Variants in C1orf87 observed in about 807,000 individuals in gnomAD.
The protein encoded by C1orf87 is uncharacterized protein C1orf87.
In C1orf87, 58 loss-of-function variants were observed where a neutral mutation model predicts 60.5. That is an observed-to-expected ratio of 0.96 (90% CI 0.78 to 1.19). The LOEUF (loss-of-function observed/expected upper bound fraction) is 1.19. Ranked by LOEUF, C1orf87 falls within the 50% of genes most tolerant of loss-of-function variation. The pLI is 0.00. For synonymous variants in C1orf87, 236 were observed against 227.4 expected (o/e 1.04, Z -0.34); for missense variants, 673 against 638.6 (o/e 1.05, Z -0.58).
At chr1:60,025,361 G>C in intron 8 of C1orf87, 40 bp downstream of exon 8, 1 of 1,474,302 alleles carries the variant, frequency 6.8e-7, no homozygotes, top group Non-Finnish European at 9.5e-7. Context: ...GGAAGGGGTG[G>C]TGGATACAAA....
chr1:60,041,130 A>C lies in C1orf87; in HGVS notation c.344T>G (p.Ile115Ser), dbSNP rs768225943. 6.4e-7 allele frequency: 1 copy of C among 1,570,070 alleles called. No individual in the cohort carries two copies. The highest frequency in any genetic ancestry group is 1.2e-5 in the South Asian group (1 of 86,066). The change falls in exon 4 of 12, where the codon ATT becomes AGT. Residue 115 changes from isoleucine (I) to serine (S), a missense_variant and splice_region_variant. Ile to Ser is a moderately radical substitution (Grantham distance 142). Coordinates refer to ENST00000371201, the MANE Select transcript of C1orf87 (RefSeq NM_152377.3). Reference protein sequence around the residue: ...ANSSRFLDGNIPSQANVHCSS... With the variant: ...ANSSRFLDGNSPSQANVHCSS... The stretch of plus-strand genomic sequence containing the variant: ...GCAGTGGACATTTGCTTGACTGGGA[A>C]TCTTAACAGAACAAGGACAAAGGGA...
At chr1:60,001,916 G>A (rs1645008956) in intron 9 of C1orf87, among the ~76,000 whole-genome samples, 1 of 152,072 alleles carries the variant, frequency 6.6e-6, no homozygotes, top group South Asian at 2.1e-4. Flanking sequence ...ATTTCCACAG[G>A]ATGCAGGAAA....
chr1:60,010,887 T>C (rs1645079184), intron 8 of C1orf87: 1 of 142,150 alleles, frequency 7.0e-6, no homozygotes. Context: ...AATAAATAAA[T>C]AAATAAATAA....
At chr1:60,036,631 G>A (rs149778498) in intron 6 of C1orf87, among the ~76,000 whole-genome samples, 1 of 152,284 alleles carries the variant, frequency 6.6e-6, no homozygotes, top group East Asian at 1.9e-4. Flanking sequence ...GAGAAGTTAA[G>A]TGAAATGCCA....
chr1:60,058,932 G>A (rs1574326828), intron 2 of C1orf87, among the ~76,000 whole-genome samples: 2 of 152,162 alleles, frequency 1.3e-5, no homozygotes, highest in African/African-American at 2.4e-5. Context: ...GATTATCTTT[G>A]CTTTAATCAC....
chr1:60,004,886 A>C (rs903426494), intron 9 of C1orf87, among the ~76,000 whole-genome samples: 3 of 151,946 alleles, frequency 2.0e-5, no homozygotes, highest in Non-Finnish European at 4.4e-5. Context: ...ACTTGAAATC[A>C]GTAGCCTTTA....
intron 2 of C1orf87, among the ~76,000 whole-genome samples, chr1:60,066,395 C>G (rs887217866): frequency 3.9e-5 from 6 of 152,192 alleles, no homozygotes; most frequent in Non-Finnish European, 8.8e-5. Context: ...ATGTTCACAG[C>G]ATCTTCACCA....
At chr1:60,013,743 C>T (rs1313237051) in intron 8 of C1orf87, among the ~76,000 whole-genome samples, 1 of 151,646 alleles carries the variant, frequency 6.6e-6, no homozygotes, top group Non-Finnish European at 1.5e-5. Flanking sequence ...TCAGTACAAC[C>T]CAGCAGATGA....
intron 7 of C1orf87, among the ~76,000 whole-genome samples, chr1:60,031,018 T>A (rs1337520587): frequency 6.6e-6 from 1 of 152,216 alleles, no homozygotes; most frequent in African/African-American, 2.4e-5. Flanking sequence ...GATGTGCTTT[T>A]AAATTTTTTT....
intron 3 of C1orf87, among the ~76,000 whole-genome samples, chr1:60,049,901 T>C (rs370234774): frequency 6.6e-6 from 1 of 152,118 alleles, no homozygotes; most frequent in African/African-American, 2.4e-5. Context: ...CTTTATCATA[T>C]ACAAAATAAC....
chr1:60,053,432 T>TA (rs1286017596), intron 3 of C1orf87, among the ~76,000 whole-genome samples: 3 of 152,166 alleles, frequency 2.0e-5, no homozygotes. Flanking sequence ...TTGGGAATAG[T>TA]AAATTAGTTA....
chr1:60,040,174 C>T lies in C1orf87; in HGVS notation c.490G>A (p.Gly164Ser). 6.2e-7 allele frequency: 1 copy of T among 1,612,034 alleles called. No homozygotes were observed. The change falls in exon 5 of 12, where the codon GGC becomes AGC. Residue 164 changes from glycine to serine, a missense_variant. Coordinates refer to ENST00000371201, the MANE Select transcript of C1orf87 (RefSeq NM_152377.3). ...RGSSDQPEDI[G>S]QSPSGTTNED... ...TTTGTTGTCCCACTTGGGCTCTGGC[C>T]AATATCCTAACACAACAATGAAAAA... is the stretch of plus-strand genomic sequence containing the variant.
Position 60,066,919 on chromosome 1 carries a change from A to T in C1orf87, c.107+5618T>A, listed in dbSNP as rs12067079. Among the ~76,000 whole-genome samples, 944 of 152,190 alleles carry T rather than the reference A, an allele frequency of 6.2e-3. 11 individuals are homozygous for T. The highest frequency in any genetic ancestry group is 0.022 in the African/African-American group (907 of 41,524). ...GTTCACCTCCCACTTATAAGTGAGA[A>T]CATGTGGTGTTTGGTTTTCTCTTCC... On this transcript the variant is annotated intron_variant, in intron 2 of 11. Coordinates refer to ENST00000371201, the MANE Select transcript of C1orf87 (RefSeq NM_152377.3).
chr1:60,071,172 A>C (rs1645581881), intron 2 of C1orf87, among the ~76,000 whole-genome samples: 1 of 152,196 alleles, frequency 6.6e-6, no homozygotes, highest in African/African-American at 2.4e-5. Flanking sequence ...ATTTCAGAGA[A>C]AGAGGTTCGA....
At chr1:59,998,896 T>C (rs984105951) in intron 10 of C1orf87, among the ~76,000 whole-genome samples, 6 of 152,180 alleles carry the variant, frequency 3.9e-5, no homozygotes, top group Non-Finnish European at 7.4e-5. Context: ...GTTGCATTTC[T>C]GTCCTTTGAG....
chr1:60,062,909 C>T (rs1389394961), intron 2 of C1orf87, among the ~76,000 whole-genome samples: 1 of 152,070 alleles, frequency 6.6e-6, no homozygotes, highest in African/African-American at 2.4e-5. Context: ...TCATAATGCC[C>T]TGTATTCTTA....
chr1:59,999,218 G>A (rs1644984396), intron 10 of C1orf87, among the ~76,000 whole-genome samples: 1 of 152,148 alleles, frequency 6.6e-6, no homozygotes, highest in Non-Finnish European at 1.5e-5. Flanking sequence ...TCTTTTGTTT[G>A]AGATCATGGA....
At chr1:60,039,728 A>G (rs886690674) in intron 5 of C1orf87, among the ~76,000 whole-genome samples, 189 bp downstream of exon 5, 2 of 152,354 alleles carry the variant, frequency 1.3e-5, no homozygotes, top group Admixed American at 1.3e-4. Context: ...AACAGAGCGA[A>G]GAGACCTAAC....
intron 4 of C1orf87, 35 bp downstream of exon 4, chr1:60,040,956 A>C (rs756264209): frequency 1.3e-6 from 2 of 1,555,996 alleles, no homozygotes; most frequent in South Asian, 2.4e-5. Flanking sequence ...CTTCATCTAC[A>C]ATAGACACAA....
Sources: gnomAD v4.1 joint callset for allele counts (sites outside exome capture counted in the v4.1 genomes callset) on GRCh38, gnomAD v4.1.1 for gene constraint, MANE v1.5 for transcripts, NCBI Gene and HGNC (gene_info 2026-07-23, HGNC 2026-07-21) for gene names.